CTPS1: variants seen among roughly 807,000 people sequenced by gnomAD.
The protein encoded by CTPS1 is CTP synthase 1.
CTPS1 carries 25 observed loss-of-function variants against 80.5 expected under a neutral mutation model. The ratio of observed to expected loss-of-function variants is 0.31; its 90% CI spans 0.23 to 0.43. The LOEUF is 0.43. Among genes scored for constraint, CTPS1 ranks in the 20% least tolerant of loss-of-function variants. The pLI is 1.00. For synonymous variants in CTPS1, 267 were observed against 252.5 expected (o/e 1.06, Z -0.54); for missense variants, 442 against 725.7 (o/e 0.61, Z 4.49).
intron 7 of CTPS1, among the ~76,000 whole-genome samples, chr1:40,994,860 ATGAATT>A (rs1642712928): frequency 6.6e-6 from 1 of 152,196 alleles, no homozygotes; most frequent in South Asian, 2.1e-4. Flanking sequence ...AATTTTTATT[ATGAATT>A]TGGTTTTGAA....
Position 40,991,655 on chromosome 1 carries a change from C to A in CTPS1, c.640-110C>A. ...TTATGTGCCTGGTGCTGAGAGTTAA[C>A]GTTTTCGTTCATCTTAACAATGTGA... On this transcript the variant is annotated intron_variant, in intron 6 of 18. Coordinates refer to ENST00000650070, the MANE Select transcript of CTPS1 (RefSeq NM_001905.4). 4.3e-6 allele frequency: 3 copies of A among 702,326 alleles called. No individual in the cohort carries two copies. In the South Asian group the frequency reaches 5.2e-5, roughly 12 times the overall value. The allele number at this position is 702,326 out of a possible 1,614,324, so 43.5% of individuals were successfully genotyped here.
chr1:41,006,020 T>G, intron 12 of CTPS1, 31 bp from the exon 13 acceptor site: 1 of 1,575,954 alleles, frequency 6.3e-7, no homozygotes, highest in Non-Finnish European at 8.7e-7. Context: ...CGTTTGTAAC[T>G]ATTTTCATAA....
In CTPS1 at chr1:41,007,178, G is replaced by A. The variant is rs1406500484; in HGVS notation, c.1297-271G>A. ...TCTTTCTAAGGAAGTGATGCTTACC[G>A]TCCACAGTGCTGGGGCGGGACTAGC... is the stretch of plus-strand genomic sequence containing the variant. On this transcript the variant is annotated intron_variant, in intron 13 of 18. Coordinates refer to ENST00000650070, the MANE Select transcript of CTPS1 (RefSeq NM_001905.4). The surrounding 1 kb of genome is among the most constrained non-coding windows in gnomAD (Gnocchi z 4.4). 6.6e-6 allele frequency among the ~76,000 whole-genome samples: 1 copy of A among 152,186 alleles called. No individual in the cohort carries two copies. The highest frequency in any genetic ancestry group is 2.4e-5 in the African/African-American group (1 of 41,462).
chr1:40,995,842 G>A, intron 7 of CTPS1, 75 bp from the exon 8 acceptor site: 3 of 1,426,682 alleles, frequency 2.1e-6, no homozygotes, highest in Admixed American at 4.1e-5. Flanking sequence ...TTTTTACAAG[G>A]TCACGTAGCT....
At chr1:40,987,538 TAAGAC>T in intron 4 of CTPS1, 66 bp downstream of exon 4, 2 of 1,177,224 alleles carry the variant, frequency 1.7e-6, no homozygotes, top group South Asian at 2.6e-5. Flanking sequence ...CAATAACTGA[TAAGAC>T]AGTTCCCAGT....
At chr1:40,982,015 T>A in intron 1 of CTPS1, 1 of 1,288,868 alleles carries the variant, frequency 7.8e-7, no homozygotes, top group Non-Finnish European at 1.0e-6. Flanking sequence ...TCTGCTACTT[T>A]CTAATTGTGT....
At chr1:40,983,036 G>A in intron 1 of CTPS1, 1 of 329,812 alleles carries the variant, frequency 3.0e-6, no homozygotes, top group Non-Finnish European at 5.6e-6. Context: ...TTAAACAAAA[G>A]CTGTGTTATT....
At position 41,007,871 on chromosome 1, in the gene CTPS1, A is replaced by G. The variant is rs1643075088; in HGVS notation, c.1393+326A>G. On this transcript the variant is annotated intron_variant, in intron 14 of 18. Transcript: ENST00000650070. This position sits in a 1 kb window ranked among gnomAD's most constrained non-coding sequence, Gnocchi z 4.4. Reference sequence around the variant, plus strand: ...CCATATCAATTGCTGATGTTTGGCAATTTTTGTCACACAAAGATGGCAATT... The same window carrying G: ...CCATATCAATTGCTGATGTTTGGCAGTTTTTGTCACACAAAGATGGCAATT... 6.6e-6 allele frequency among the ~76,000 whole-genome samples: 1 copy of G among 152,200 alleles called. No individual in the cohort carries two copies. The highest frequency in any genetic ancestry group is 6.5e-5 in the Admixed American group (1 of 15,280).
At chr1:40,999,423 G>T (rs1642846005) in intron 9 of CTPS1, among the ~76,000 whole-genome samples, 2 of 152,146 alleles carry the variant, frequency 1.3e-5, no homozygotes, top group Non-Finnish European at 2.9e-5. Flanking sequence ...TAAAAAGTGG[G>T]CACGAGATTT....
rs1642606357 is a variant in CTPS1 at position 40,991,346 on chromosome 1, T to C, written c.639+98T>C. The C allele has an allele frequency of 1.4e-5, 13 of 896,622 alleles. No homozygotes were observed. The South Asian group carries it at 2.3e-4, about 16-fold the overall frequency. The allele number at this position is 896,622 out of a possible 1,614,324, so 55.5% of individuals were successfully genotyped here. The stretch of plus-strand genomic sequence containing the variant: ...AGACCTTTGTCTTGTTGGGTTGCTT[T>C]TGATAATTGATGATGGAGAAAATAG... On this transcript the variant is annotated intron_variant, in intron 6 of 18. Coordinates refer to ENST00000650070, the MANE Select transcript of CTPS1 (RefSeq NM_001905.4).
chr1:41,006,835 C>T (rs893158446), intron 13 of CTPS1, among the ~76,000 whole-genome samples: 1 of 152,234 alleles, frequency 6.6e-6, no homozygotes, highest in Non-Finnish European at 1.5e-5. Context: ...ACTTAGACAG[C>T]ATCACTGTGT....
chr1:40,982,339 C>G (rs191046871), intron 1 of CTPS1, among the ~76,000 whole-genome samples: 3 of 152,196 alleles, frequency 2.0e-5, no homozygotes, highest in Non-Finnish European at 4.4e-5. Flanking sequence ...CATTGCATGC[C>G]TGGGAGAGAT....
At position 41,007,481 on chromosome 1, in the gene CTPS1, G is replaced by C. The variant is rs377749147; in HGVS notation, c.1329G>C (p.Gln443His). 38 of 1,614,032 alleles carry C rather than the reference G, an allele frequency of 2.4e-5. No individual in the cohort carries two copies. Among genetic ancestry groups the C allele is most frequent in the Non-Finnish European group, 2.9e-5 (34 of 1,180,052 alleles). The change falls in exon 14 of 19, where the codon CAG becomes CAC. Residue 443 changes from glutamine (Q) to histidine (H), a missense_variant. Physicochemically the swap from Gln to His is conservative, Grantham distance 24. This residue lies in a region of CTPS1 where 321 missense variants were observed against 467.2 expected (regional missense o/e 0.69). Coordinates refer to ENST00000650070, the MANE Select transcript of CTPS1 (RefSeq NM_001905.4). The surrounding 1 kb of genome is among the most constrained non-coding windows in gnomAD (Gnocchi z 4.4). The part of the protein sequence containing the change: ...VVDMPEHNPG[Q>H]MGGTMRLGKR... ...ACATGCCAGAACACAACCCAGGGCA[G>C]ATGGGCGGAACCATGAGGCTGGGCA...
rs771624919 is a variant in CTPS1, at chr1:41,008,666, C to A, written c.1401C>A (p.Leu467=). The A allele has an allele frequency of 4.3e-6, 7 of 1,614,110 alleles. No individual in the cohort carries two copies. The South Asian group carries it at 7.7e-5, about 18-fold the overall frequency. ...GCCCGTTTGTTTTGCCAGGGAAACT[C>A]TATGGAGACGCAGACTACTTGGAAG... The part of the protein sequence containing the change: ...FQTKNSVMRK[L]YGDADYLEER... Residue 467 remains leucine (L), a synonymous_variant, in exon 15 of 19, where the codon CTC becomes CTA. Coordinates refer to ENST00000650070, the MANE Select transcript of CTPS1 (RefSeq NM_001905.4).
intron 13 of CTPS1, among the ~76,000 whole-genome samples, chr1:41,006,543 A>G (rs1643039041): frequency 6.6e-6 from 1 of 152,228 alleles, no homozygotes; most frequent in Non-Finnish European, 1.5e-5. Flanking sequence ...GGTTGGCTTA[A>G]CCGTATCCAA....
chr1:41,004,855 A>G (rs1642993810), intron 12 of CTPS1, among the ~76,000 whole-genome samples: 1 of 152,202 alleles, frequency 6.6e-6, no homozygotes, highest in Admixed American at 6.5e-5. Flanking sequence ...TTGGCTGGGC[A>G]TGGTGGTTCA....
chr1:40,991,869 A>T (rs778894938), intron 7 of CTPS1, 24 bp downstream of exon 7: 1 of 1,587,410 alleles, frequency 6.3e-7, no homozygotes. Context: ...CCCATCTCTA[A>T]TAAGTTGTTT....
chr1:40,996,754 TATC>T (rs780629021), intron 8 of CTPS1, among the ~76,000 whole-genome samples: 32 of 152,236 alleles, frequency 2.1e-4, no homozygotes, highest in Admixed American at 4.6e-4. Flanking sequence ...ATGGCAGTTT[TATC>T]ATCCTTTTTC....
intron 18 of CTPS1, among the ~76,000 whole-genome samples, chr1:41,011,315 AC>A (rs1388720041): frequency 1.3e-5 from 2 of 152,234 alleles, no homozygotes; most frequent in African/African-American, 4.8e-5. Flanking sequence ...AGGAGCTGAT[AC>A]AACAAGAACT....
Sources: allele counts gnomAD v4.1 joint callset (sites outside exome capture counted in the v4.1 genomes callset), GRCh38; gene constraint gnomAD v4.1.1; regional missense constraint gnomAD v4.1.1; non-coding constraint Gnocchi (gnomAD v3.1); transcripts MANE v1.5; gene names NCBI Gene and HGNC (gene_info 2026-07-23, HGNC 2026-07-21).